ZNF777: variants seen among roughly 807,000 people sequenced by gnomAD.
ZNF777 encodes zinc finger protein 777.
ZNF777 carries 7 observed loss-of-function variants against 72.1 expected under a neutral mutation model. The ratio of observed to expected loss-of-function variants is 0.10; its 90% CI spans 0.06 to 0.18. The LOEUF is 0.18. Ranked by LOEUF, ZNF777 falls within the 10% of genes least tolerant of loss-of-function variation. The pLI is 1.00. For missense variants in ZNF777, 828 were observed against 1,128.6 expected, an observed-to-expected ratio of 0.73 and a Z score of 3.82; for synonymous variants, 545 against 483.5, an observed-to-expected ratio of 1.13 and a Z score of -1.67.
chr7:149,441,811 T>C (rs923595024), intron 4 of ZNF777, among the ~76,000 whole-genome samples: 5 of 152,212 alleles, frequency 3.3e-5, no homozygotes, highest in African/African-American at 1.2e-4. Context: ...ATTTTCTTTT[T>C]GTTTTCTAGG....
At chr7:149,447,119 C>T (rs912665833) in intron 4 of ZNF777, among the ~76,000 whole-genome samples, 3 of 152,134 alleles carry the variant, frequency 2.0e-5, no homozygotes, top group Non-Finnish European at 4.4e-5. Flanking sequence ...TGAAAATCAC[C>T]TTGGAAGCTA....
At chr7:149,445,050 C>T (rs1309595385) in intron 4 of ZNF777, among the ~76,000 whole-genome samples, 4 of 152,062 alleles carry the variant, frequency 2.6e-5, no homozygotes, top group Non-Finnish European at 5.9e-5. Context: ...TATTCCCTTC[C>T]ATCCTTTATT....
At chr7:149,448,282 A>G (rs1799639998) in intron 4 of ZNF777, among the ~76,000 whole-genome samples, 1 of 151,644 alleles carries the variant, frequency 6.6e-6, no homozygotes, top group African/African-American at 2.4e-5. Flanking sequence ...CCTGACCAAC[A>G]TGGTGAAACG....
rs1159578219 is a variant in ZNF777 at position 149,432,684 on chromosome 7, G to A, written c.1588C>T (p.Arg530Cys). ...VHGERHLSENRGASSQQQRNR... is the reference protein window; with the variant it reads ...VHGERHLSENCGASSQQQRNR... ...CGCTGCTGCTGGCTCGAGGCCCCGC[G>A]GTTCTCGCTCAGGTGCCGCTCACCG... Residue 530 changes from arginine to cysteine, a missense_variant, in exon 6 of 6, where the codon CGC (arginine) becomes TGC (cysteine). By Grantham distance (180) the Arg-to-Cys change is radical. Transcript: ENST00000247930. 6.2e-7 allele frequency: 1 copy of A among 1,612,882 alleles called. No homozygotes were observed. Among genetic ancestry groups the A allele is most frequent in the Non-Finnish European group, 8.5e-7 (1 of 1,179,650 alleles).
In ZNF777 at chr7:149,454,190, C is replaced by A. The variant is rs369901194; in HGVS notation, c.894G>T (p.Glu298Asp). 2.5e-6 allele frequency: 4 copies of A among 1,614,238 alleles called. No individual in the cohort carries two copies. The highest frequency in any genetic ancestry group is 2.5e-6 in the Non-Finnish European group (3 of 1,180,040). Residue 298 changes from glutamate to aspartate, a missense_variant, in exon 3 of 6, where the codon GAG (glutamate) becomes GAT (aspartate). Physicochemically the swap from Glu to Asp is conservative, Grantham distance 45. Coordinates refer to ENST00000247930, the MANE Select transcript of ZNF777 (RefSeq NM_015694.3). ...TCTGCCACTCAGACAGGTTTCCCCA[C>A]TCCTGCTCCGAGAAGTGCACAGCAA... ...DDVAVHFSEQEWGNLSEWQKE... is the reference protein window; with the variant it reads ...DDVAVHFSEQDWGNLSEWQKE...
In ZNF777 at chr7:149,431,440, T is replaced by A. The variant is rs951507943; in HGVS notation, c.*336A>T. 21 of 438,342 alleles carry A rather than the reference T, an allele frequency of 4.8e-5. No individual in the cohort carries two copies. Among genetic ancestry groups the A allele is most frequent in the Admixed American group, 1.8e-4 (7 of 39,106 alleles). The allele number at this position is 438,342 out of a possible 1,614,324, so 27.2% of individuals were successfully genotyped here. A position where few individuals can be genotyped will look rare whatever the true frequency, so the allele number is the denominator to read the frequency against. On this transcript the variant is annotated 3_prime_UTR_variant, in exon 6 of 6. Transcript: ENST00000247930. ...GTAATTATAAAGTTCTATCCCCAACTAGATGGGCCCTACACCGCCCCTCTG... is the reference window on the plus strand; with the variant it reads ...GTAATTATAAAGTTCTATCCCCAACAAGATGGGCCCTACACCGCCCCTCTG...
chr7:149,453,403 C>G (rs1399906102), intron 3 of ZNF777, among the ~76,000 whole-genome samples: 1 of 152,094 alleles, frequency 6.6e-6, no homozygotes, highest in Admixed American at 6.5e-5. Flanking sequence ...TTTAAGATAA[C>G]GTTTTTTTGT....
rs2098789803 is a variant in ZNF777, at chr7:149,460,198, C to A, written c.-16+617G>T. The A allele has an allele frequency of 4.3e-6, 3 of 702,652 alleles. No individual in the cohort carries two copies. The highest frequency in any genetic ancestry group is 5.2e-6 in the Non-Finnish European group (3 of 574,218). The allele number at this position is 702,652 out of a possible 1,614,324, so 43.5% of individuals were successfully genotyped here. Reference sequence around the variant, plus strand: ...CCGGAGTCGCCGCCGCTACTGCCGCCGCCGCTACTGCGCGCGGCCCCACGC... The same window carrying A: ...CCGGAGTCGCCGCCGCTACTGCCGCAGCCGCTACTGCGCGCGGCCCCACGC... On this transcript the variant is annotated intron_variant, in intron 1 of 5. Transcript: ENST00000247930. This position sits in a 1 kb window ranked among gnomAD's most constrained non-coding sequence, Gnocchi z 6.1.
chr7:149,445,665 C>T (rs1389300610), intron 4 of ZNF777, among the ~76,000 whole-genome samples: 2 of 152,150 alleles, frequency 1.3e-5, no homozygotes, highest in Non-Finnish European at 2.9e-5. Context: ...TCCTTCTTCC[C>T]GTTTTCAATA....
intron 1 of ZNF777, among the ~76,000 whole-genome samples, chr7:149,457,784 T>C (rs1323904624): frequency 6.6e-6 from 1 of 152,248 alleles, no homozygotes; most frequent in African/African-American, 2.4e-5. Flanking sequence ...CCATGAGCTG[T>C]GTTAAGCATT....
In ZNF777 at chr7:149,460,539, C is replaced by G. The variant is rs1186473647; in HGVS notation, c.-16+276G>C. The stretch of plus-strand genomic sequence containing the variant: ...GCTGCGAGCTGCGCTGCCGTCCCGG[C>G]GCCTCTTTAGCAGGGGAGCTGCACA... On this transcript the variant is annotated intron_variant, in intron 1 of 5. Coordinates refer to ENST00000247930, the MANE Select transcript of ZNF777 (RefSeq NM_015694.3). This position sits in a 1 kb window ranked among gnomAD's most constrained non-coding sequence, Gnocchi z 6.1. Among the ~76,000 whole-genome samples the G allele has an allele frequency of 6.6e-6, 1 of 151,632 alleles. No individual in the cohort carries two copies. Among genetic ancestry groups the G allele is most frequent in the Non-Finnish European group, 1.5e-5 (1 of 67,916 alleles).
chr7:149,437,801 TTTTC>T (rs577015386), intron 4 of ZNF777, among the ~76,000 whole-genome samples: 18,773 of 132,912 alleles, frequency 0.14, 1,571 homozygotes, highest in East Asian at 0.39. Context: ...GTTTGTTTCT[TTTTC>T]TTTTTTTTTT....
chr7:149,432,904 T>C lies in ZNF777; in HGVS notation c.1368A>G (p.Gln456=). The change falls in exon 6 of 6, where the codon CAA becomes CAG. Residue 456 remains glutamine (Q), a synonymous_variant. Coordinates refer to ENST00000247930, the MANE Select transcript of ZNF777 (RefSeq NM_015694.3). The stretch of plus-strand genomic sequence containing the variant: ...CCTCCTCCTCTTCTTCCTCCTCGTC[T>C]TGTTCCTCTGTCTTGATCACGATCC... ...TEGIVIKTEE[Q]DEEEEEEEED... is the part of the protein sequence containing the mutation. The C allele has an allele frequency of 6.6e-7, 1 of 1,514,414 alleles. No individual in the cohort carries two copies. Among genetic ancestry groups the C allele is most frequent in the Non-Finnish European group, 8.8e-7 (1 of 1,132,032 alleles). 93.8% of individuals were successfully genotyped at this position (1,514,414 alleles called of 1,614,324 possible). A position where few individuals can be genotyped will look rare whatever the true frequency, so the allele number is the denominator to read the frequency against.
Position 149,436,895 on chromosome 7 carries a change from T to G in ZNF777, c.1088-69A>C. 1 of 1,541,518 alleles carries G rather than the reference T, an allele frequency of 6.5e-7. No homozygotes were observed. The highest frequency in any genetic ancestry group is 8.8e-7 in the Non-Finnish European group (1 of 1,134,868). ...AATGTTCATGCCAACTGCCCAGGTT[T>G]CTGCAGCCCTACAATTTACATCTCA... is the stretch of plus-strand genomic sequence containing the variant. On this transcript the variant is annotated intron_variant, in intron 4 of 5. Coordinates refer to ENST00000247930, the MANE Select transcript of ZNF777 (RefSeq NM_015694.3). The surrounding 1 kb of genome is among the most constrained non-coding windows in gnomAD (Gnocchi z 5.0).
rs1186305916 is a variant in ZNF777 at position 149,460,165 on chromosome 7, C to T, written c.-16+650G>A. The T allele has an allele frequency of 1.1e-6, 1 of 950,660 alleles. No individual in the cohort carries two copies. The highest frequency in any genetic ancestry group is 1.2e-6 in the Non-Finnish European group (1 of 800,768). 58.9% of individuals were successfully genotyped at this position (950,660 alleles called of 1,614,324 possible). A position where few individuals can be genotyped will look rare whatever the true frequency, so the allele number is the denominator to read the frequency against. On this transcript the variant is annotated intron_variant, in intron 1 of 5. Transcript: ENST00000247930. This position sits in a 1 kb window ranked among gnomAD's most constrained non-coding sequence, Gnocchi z 6.1. ...CGGCCATGGCCCTGCGCTGTCCGGC[C>T]CGGGCCCCCGGAGTCGCCGCCGCTA...
chr7:149,441,843 G>A (rs1165619667), intron 4 of ZNF777, among the ~76,000 whole-genome samples: 2 of 151,928 alleles, frequency 1.3e-5, no homozygotes, highest in African/African-American at 2.4e-5. Context: ...TTTATTTTGT[G>A]TTTCAAATAT....
intron 3 of ZNF777, among the ~76,000 whole-genome samples, chr7:149,451,993 C>T (rs1799725638): frequency 6.6e-6 from 1 of 152,084 alleles, no homozygotes; most frequent in Admixed American, 6.5e-5. Flanking sequence ...TCACTGGGCA[C>T]AGTGGCTCAC....
At chr7:149,441,490 G>A (rs1050560049) in intron 4 of ZNF777, among the ~76,000 whole-genome samples, 4 of 152,168 alleles carry the variant, frequency 2.6e-5, no homozygotes, top group Non-Finnish European at 5.9e-5. Flanking sequence ...TCGGTTATTC[G>A]TGCCAAACAT....
chr7:149,447,225 CT>C (rs1366330745), intron 4 of ZNF777, among the ~76,000 whole-genome samples: 2 of 152,124 alleles, frequency 1.3e-5, no homozygotes, highest in Non-Finnish European at 2.9e-5. Flanking sequence ...GGCTTGTGTT[CT>C]CCTCTCTTCC....
Sources: gnomAD v4.1 joint callset for allele counts (sites outside exome capture counted in the v4.1 genomes callset) on GRCh38, gnomAD v4.1.1 for gene constraint, Gnocchi (gnomAD v3.1) non-coding constraint, MANE v1.5 for transcripts, NCBI Gene and HGNC (gene_info 2026-07-23, HGNC 2026-07-21) for gene names.